Variants in FRMD5 observed in about 807,000 individuals in gnomAD.
The protein encoded by FRMD5 is FERM domain-containing protein 5.
A neutral mutation model predicts 69.0 loss-of-function variants in FRMD5; 20 were observed. The observed-to-expected ratio is 0.29, with a 90% confidence interval of 0.20 to 0.42. The LOEUF (loss-of-function observed/expected upper bound fraction) is 0.42, where lower values mean the gene tolerates loss of function less well. Ranked by LOEUF, FRMD5 falls within the 10% of genes least tolerant of loss-of-function variation. FRMD5 has a pLI of 1.00. For missense variants in FRMD5, 595 were observed against 708.6 expected (o/e 0.84, Z 1.82); for synonymous variants, 271 against 260.1 (o/e 1.04, Z -0.40).
intron 4 of FRMD5, among the ~76,000 whole-genome samples, chr15:43,917,528 T>G (rs994706133): frequency 6.6e-6 from 1 of 152,134 alleles, no homozygotes; most frequent in African/African-American, 2.4e-5. Context: ...GTAGCTGGGA[T>G]TACAGGCGTG....
intron 8 of FRMD5, among the ~76,000 whole-genome samples, chr15:43,889,099 AGGAG>A (rs1451464472): frequency 6.6e-6 from 1 of 152,216 alleles, no homozygotes; most frequent in Non-Finnish European, 1.5e-5. Context: ...ATAGGGTGAC[AGGAG>A]GATTTCGGGC....
At chr15:44,078,897 A>C (rs187738719) in intron 1 of FRMD5, among the ~76,000 whole-genome samples, 303 of 152,246 alleles carry the variant, frequency 2.0e-3, no homozygotes, top group African/African-American at 7.1e-3. Flanking sequence ...CCACCAAAGC[A>C]AAAACAGATA....
At chr15:43,920,127 G>A (rs539902591) in intron 2 of FRMD5, among the ~76,000 whole-genome samples, 2 of 152,254 alleles carry the variant, frequency 1.3e-5, no homozygotes, top group Admixed American at 1.3e-4. Context: ...GCGACTGCAT[G>A]TATGTGTGGC....
chr15:43,905,749 CAG>C, intron 6 of FRMD5, 77 bp downstream of exon 6: 2 of 1,569,624 alleles, frequency 1.3e-6, no homozygotes, highest in Non-Finnish European at 1.7e-6. Flanking sequence ...TCTGCGAGAA[CAG>C]AGGACACGGC....
intron 9 of FRMD5, 62 bp from the exon 10 acceptor site, chr15:43,888,328 C>T (rs1292968528): frequency 6.2e-5 from 73 of 1,186,892 alleles, no homozygotes; most frequent in Middle Eastern, 1.9e-4. Context: ...GTGAAGTAGG[C>T]GAGGACCCTG....
chr15:44,082,255 A>G (rs1333754959), intron 1 of FRMD5, among the ~76,000 whole-genome samples: 1 of 151,902 alleles, frequency 6.6e-6, no homozygotes, highest in African/African-American at 2.4e-5. Flanking sequence ...CTCCTTCAAA[A>G]ACACTCTATC....
chr15:44,193,760 T>C (rs1187847602), intron 1 of FRMD5, among the ~76,000 whole-genome samples: 1 of 152,200 alleles, frequency 6.6e-6, no homozygotes, highest in Non-Finnish European at 1.5e-5. Flanking sequence ...GCTGCTCTCA[T>C]ACACTACCCA....
chr15:43,938,232 A>AG lies in FRMD5; in HGVS notation c.103-13924_103-13923insC, dbSNP rs35499723. ...GGGCGAAAGAGCGAGACTCCGTCTC[A>AG]AAAAAAAAAAAAAAAAAAAGCCTAC... is the stretch of plus-strand genomic sequence containing the variant. On this transcript the variant is annotated intron_variant, in intron 1 of 13. Coordinates refer to ENST00000417257, the MANE Select transcript of FRMD5 (RefSeq NM_032892.5). 8.1e-5 allele frequency among the ~76,000 whole-genome samples: 7 copies of AG among 86,084 alleles called. No individual in the cohort carries two copies. The African/African-American group carries it at 9.4e-4, about 12-fold the overall frequency. The allele number at this position is 86,084 out of a possible 152,430, so 56.5% of individuals were successfully genotyped here.
At chr15:44,017,734 T>C (rs898968777) in intron 1 of FRMD5, among the ~76,000 whole-genome samples, 3 of 151,816 alleles carry the variant, frequency 2.0e-5, no homozygotes, top group South Asian at 2.1e-4. Context: ...GCCTCCCAAG[T>C]AGCTGAGACT....
At chr15:44,003,972 A>G (rs1890325882) in intron 1 of FRMD5, among the ~76,000 whole-genome samples, 1 of 152,216 alleles carries the variant, frequency 6.6e-6, no homozygotes, top group Non-Finnish European at 1.5e-5. Flanking sequence ...GACACTCAAC[A>G]AATATTTGCT....
chr15:44,130,705 GA>G (rs2077086462), intron 1 of FRMD5, among the ~76,000 whole-genome samples: 2 of 152,008 alleles, frequency 1.3e-5, no homozygotes, highest in Admixed American at 1.3e-4. Flanking sequence ...GGAACAAATG[GA>G]AAAAAGTAAG....
At chr15:43,981,964 G>A (rs927903361) in intron 1 of FRMD5, among the ~76,000 whole-genome samples, 2 of 152,218 alleles carry the variant, frequency 1.3e-5, no homozygotes, top group African/African-American at 4.8e-5. Context: ...CATAAATCCT[G>A]TGAAGTCACG....
chr15:43,961,598 C>CA (rs945763171), intron 1 of FRMD5, among the ~76,000 whole-genome samples: 1 of 151,902 alleles, frequency 6.6e-6, no homozygotes, highest in African/African-American at 2.4e-5. Context: ...GGAGACACAA[C>CA]AAAAAAAGAG....
intron 1 of FRMD5, among the ~76,000 whole-genome samples, chr15:43,939,014 A>C (rs1340524765): frequency 2.0e-5 from 3 of 150,510 alleles, no homozygotes; most frequent in Non-Finnish European, 4.4e-5. Flanking sequence ...AGCATGCACC[A>C]CCACATCCGG....
At chr15:44,115,638 A>G (rs1409629075) in intron 1 of FRMD5, among the ~76,000 whole-genome samples, 1 of 152,222 alleles carries the variant, frequency 6.6e-6, no homozygotes, top group African/African-American at 2.4e-5. Context: ...TAAATCCAGT[A>G]AAATGAAATA....
intron 1 of FRMD5, among the ~76,000 whole-genome samples, chr15:43,968,763 G>A (rs2090332939): frequency 6.6e-6 from 1 of 152,086 alleles, no homozygotes; most frequent in South Asian, 2.1e-4. Context: ...TGTTTAACAA[G>A]CTTTTCCTTC....
At chr15:43,892,974 C>T (rs961125701) in intron 7 of FRMD5, among the ~76,000 whole-genome samples, 5 of 151,908 alleles carry the variant, frequency 3.3e-5, no homozygotes, top group Admixed American at 6.6e-5. Context: ...CGTGGTGATG[C>T]GTGCCTGTAA....
At chr15:44,165,405 G>A (rs1566980105) in intron 1 of FRMD5, among the ~76,000 whole-genome samples, 3 of 152,158 alleles carry the variant, frequency 2.0e-5, no homozygotes, top group Admixed American at 6.6e-5. Flanking sequence ...CTAGGCGACC[G>A]AGTGAGACTC....
intron 10 of FRMD5, among the ~76,000 whole-genome samples, chr15:43,886,750 A>G (rs1333618533): frequency 1.3e-5 from 2 of 152,230 alleles, no homozygotes; most frequent in African/African-American, 2.4e-5. Flanking sequence ...ATGTTCTTGC[A>G]TCTGACTGGG....
Sources: allele counts gnomAD v4.1 joint callset (sites outside exome capture counted in the v4.1 genomes callset), GRCh38; gene constraint gnomAD v4.1.1; transcripts MANE v1.5; gene names NCBI Gene and HGNC (gene_info 2026-07-23, HGNC 2026-07-21).